The following NECTIN1 variants were observed in gnomAD, a reference collection of about 807,000 sequenced individuals.
NECTIN1 encodes the protein nectin cell adhesion molecule 1.
Under a neutral mutation model 48.0 loss-of-function variants are expected in NECTIN1, and 23 were observed. The ratio of observed to expected loss-of-function variants is 0.48; its 90% CI spans 0.34 to 0.68. The LOEUF (loss-of-function observed/expected upper bound fraction) is 0.68, where lower values mean the gene tolerates loss of function less well. Among genes scored for constraint, NECTIN1 ranks in the 30% least tolerant of loss-of-function variants. The pLI is 0.01. For missense variants in NECTIN1, 591 were observed against 709.9 expected, an observed-to-expected ratio of 0.83 and a Z score of 1.90; for synonymous variants, 270 against 288.9, an observed-to-expected ratio of 0.93 and a Z score of 0.66.
At chr11:119,719,192 C>A (rs559936714) in intron 1 of NECTIN1, among the ~76,000 whole-genome samples, 14 of 152,304 alleles carry the variant, frequency 9.2e-5, no homozygotes, top group African/African-American at 2.9e-4. Context: ...GCACTAATAA[C>A]TCCCCAAATG....
At position 119,677,684 on chromosome 11, in the gene NECTIN1, T is replaced by C. The variant is rs1342002768; in HGVS notation, c.604A>G (p.Asn202Asp). Residue 202 changes from asparagine to aspartate, a missense_variant, in exon 3 of 6, where the codon AAT (asparagine) becomes GAT (aspartate). By Grantham distance (23) the Asn-to-Asp change is conservative. Transcript: ENST00000264025. The surrounding 1 kb of genome is among the most constrained non-coding windows in gnomAD (Gnocchi z 5.4). The part of the protein sequence containing the change: ...EAEYQEIRNP[N>D]GTVTVISRYR... ...CGGCTGATGACCGTCACTGTGCCAT[T>C]GGGGTTCCGGATCTCCTGGTACTCT... 1.2e-6 allele frequency: 2 copies of C among 1,614,000 alleles called. No individual in the cohort carries two copies. The highest frequency in any genetic ancestry group is 1.7e-6 in the Non-Finnish European group (2 of 1,180,018).
intron 5 of NECTIN1, among the ~76,000 whole-genome samples, chr11:119,645,329 T>C (rs1260387191): frequency 6.6e-6 from 1 of 152,074 alleles, no homozygotes; most frequent in African/African-American, 2.4e-5. Flanking sequence ...AACCCTCCTG[T>C]GTTCGGAAGG....
At position 119,729,161 on chromosome 11, in the gene NECTIN1, G is replaced by C. The variant is rs1275267915; in HGVS notation, c.-608C>G. 2 of 152,018 alleles carry C rather than the reference G, an allele frequency of 1.3e-5. No individual in the cohort carries two copies. Among genetic ancestry groups the C allele is most frequent in the African/African-American group, 4.8e-5 (2 of 41,412 alleles). The allele number at this position is 152,018 out of a possible 1,614,324, so 9.4% of individuals were successfully genotyped here. On this transcript the variant is annotated 5_prime_UTR_variant, in exon 1 of 6. Coordinates refer to ENST00000264025, the MANE Select transcript of NECTIN1 (RefSeq NM_002855.5). ...CCGCTCTGCCGGGTGCCGGCGATCC[G>C]CAACAATGTGGAGCCGCGCTCGCTG...
At chr11:119,657,735 T>TACAAA, downstream of NECTIN1, among the ~76,000 whole-genome samples, 1 of 88,602 alleles carries the variant, frequency 1.1e-5, no homozygotes, top group Non-Finnish European at 2.2e-5. Flanking sequence ...CCCCTGTCTC[T>TACAAA]ATAAAATAAT....
Position 119,663,229 on chromosome 11 carries a change from G to A in NECTIN1, c.*1518C>T. The stretch of plus-strand genomic sequence containing the variant: ...TCTCCATCCCAGGGTCCTTCCCATG[G>A]GCATGCCTGTCTAGAGTGCCAGGGG... On this transcript the variant is annotated 3_prime_UTR_variant, in exon 6 of 6. Coordinates refer to ENST00000264025, the MANE Select transcript of NECTIN1 (RefSeq NM_002855.5). The A allele has an allele frequency of 1.0e-6, 1 of 985,496 alleles. No individual in the cohort carries two copies. Among genetic ancestry groups the A allele is most frequent in the Non-Finnish European group, 1.2e-6 (1 of 829,952 alleles). The allele number at this position is 985,496 out of a possible 1,614,324, so 61.0% of individuals were successfully genotyped here.
chr11:119,640,126 C>G (rs2135522589), intron 5 of NECTIN1: 1 of 1,118,422 alleles, frequency 8.9e-7, no homozygotes, highest in South Asian at 1.3e-5. Flanking sequence ...TGACATTGCA[C>G]CCCCAGCTCC....
At position 119,678,070 on chromosome 11, in the gene NECTIN1, C is replaced by G. The variant is rs1173835954; in HGVS notation, c.431-213G>C. Among the ~76,000 whole-genome samples the G allele has an allele frequency of 1.3e-5, 2 of 152,128 alleles. No homozygotes were observed. Among genetic ancestry groups the G allele is most frequent in the African/African-American group, 4.8e-5 (2 of 41,430 alleles). On this transcript the variant is annotated intron_variant, in intron 2 of 5. Coordinates refer to ENST00000264025, the MANE Select transcript of NECTIN1 (RefSeq NM_002855.5). The surrounding 1 kb of genome is among the most constrained non-coding windows in gnomAD (Gnocchi z 4.4). ...TCCTCCCTGCCCTACTAGTCATATC[C>G]CTGTCATCGAGCTTAGGCCTCCTGG... is the stretch of plus-strand genomic sequence containing the variant.
At position 119,672,336 on chromosome 11, in the gene NECTIN1, C is replaced by T. The variant is rs1864872113; in HGVS notation, c.1003+2823G>A. Among the ~76,000 whole-genome samples, 1 of 152,132 alleles carries T rather than the reference C, an allele frequency of 6.6e-6. No individual in the cohort carries two copies. The highest frequency in any genetic ancestry group is 2.4e-5 in the African/African-American group (1 of 41,416). On this transcript the variant is annotated intron_variant, in intron 5 of 5. Transcript: ENST00000264025. This position sits in a 1 kb window ranked among gnomAD's most constrained non-coding sequence, Gnocchi z 4.3. ...TTTTTTCAGTCTGGTGGAGGCTGCA[C>T]CCTGGGCCTCTCCCCACCTTGTCAT...
chr11:119,638,764 G>T, exon 7 of NECTIN1: 3 of 1,614,036 alleles, frequency 1.9e-6, no homozygotes, highest in Non-Finnish European at 2.5e-6. Flanking sequence ...AGCTTTGCCT[G>T]CTGGGAGAAG....
chr11:119,722,383 G>T (rs778110389), intron 1 of NECTIN1, among the ~76,000 whole-genome samples: 1 of 152,228 alleles, frequency 6.6e-6, no homozygotes, highest in Non-Finnish European at 1.5e-5. Context: ...TACCCATCTG[G>T]CTGATATCAT....
At chr11:119,657,920 C>CAAAAA (rs61352311), downstream of NECTIN1, among the ~76,000 whole-genome samples, 5 of 78,224 alleles carry the variant, frequency 6.4e-5, no homozygotes, top group Admixed American at 1.8e-4. Flanking sequence ...GACCCCGTCT[C>CAAAAA]AAAAAAAAAA....
intron 5 of NECTIN1, among the ~76,000 whole-genome samples, chr11:119,648,303 G>GAT: frequency 1.7e-5 from 1 of 59,994 alleles, no homozygotes; most frequent in Non-Finnish European, 3.3e-5. Context: ...TGGTGGTGGT[G>GAT]GTGATGGTGG....
At chr11:119,711,127 T>C (rs903271207) in intron 1 of NECTIN1, among the ~76,000 whole-genome samples, 2 of 150,788 alleles carry the variant, frequency 1.3e-5, no homozygotes, top group Admixed American at 1.3e-4. Flanking sequence ...CGGTGGCTCA[T>C]GCCTGTAATC....
rs745975675 is a variant in NECTIN1, at chr11:119,674,632, A to G, written c.1003+527T>C. The G allele has an allele frequency of 1.2e-5, 19 of 1,614,064 alleles. No individual in the cohort carries two copies. The South Asian group carries it at 1.4e-4, about 12-fold the overall frequency. The stretch of plus-strand genomic sequence containing the variant: ...TCTTGTCCTCCCTTTGCCCGGATAG[A>G]TAAGTTGACAGAAAGCTGCAGGGAA... On this transcript the variant is annotated intron_variant, in intron 5 of 5. Coordinates refer to ENST00000264025, the MANE Select transcript of NECTIN1 (RefSeq NM_002855.5).
intron 1 of NECTIN1, among the ~76,000 whole-genome samples, chr11:119,719,843 G>A (rs1865798761): frequency 6.6e-6 from 1 of 152,214 alleles, no homozygotes; most frequent in Non-Finnish European, 1.5e-5. Flanking sequence ...GAGGCGCTGG[G>A]GGATTTGAGA....
At chr11:119,676,139 C>T (rs1395261579) in intron 4 of NECTIN1, among the ~76,000 whole-genome samples, 1 of 152,206 alleles carries the variant, frequency 6.6e-6, no homozygotes, top group Non-Finnish European at 1.5e-5. Flanking sequence ...GAAGTATGTT[C>T]CATTCCACTA....
At chr11:119,721,566 G>A (rs756259127) in intron 1 of NECTIN1, among the ~76,000 whole-genome samples, 1 of 152,244 alleles carries the variant, frequency 6.6e-6, no homozygotes, top group African/African-American at 2.4e-5. Context: ...GTTTGGTAAT[G>A]AGACTCCTCA....
downstream of NECTIN1, chr11:119,659,040 G>A (rs1281106660): frequency 6.6e-6 from 1 of 152,202 alleles, no homozygotes; most frequent in East Asian, 1.9e-4. Flanking sequence ...GAGAACTCCT[G>A]CACATCCTTC....
chr11:119,667,458 T>C (rs536356790), intron 5 of NECTIN1, among the ~76,000 whole-genome samples: 1 of 152,246 alleles, frequency 6.6e-6, no homozygotes, highest in Admixed American at 6.5e-5. Flanking sequence ...AGACAGCACA[T>C]GCAGATGTTA....
Sources: gnomAD v4.1 joint callset for allele counts (sites outside exome capture counted in the v4.1 genomes callset) on GRCh38, gnomAD v4.1.1 for gene constraint, Gnocchi (gnomAD v3.1) non-coding constraint, MANE v1.5 for transcripts, NCBI Gene and HGNC (gene_info 2026-07-23, HGNC 2026-07-21) for gene names.